LAMA3: variants seen among roughly 807,000 people sequenced by gnomAD.
LAMA3 encodes laminin subunit alpha-3.
LAMA3 carries 281 observed loss-of-function variants against 402.0 expected under a neutral mutation model. The ratio of observed to expected loss-of-function variants is 0.70; its 90% CI spans 0.63 to 0.77. The LOEUF is 0.77. Among genes scored for constraint, LAMA3 ranks in the 30% least tolerant of loss-of-function variants. The pLI, the probability that LAMA3 is intolerant of heterozygous loss-of-function variation, is 0.00. For synonymous variants in LAMA3, 1,431 were observed against 1,558.4 expected, an observed-to-expected ratio of 0.92 and a Z score of 1.93; for missense variants, 3,840 against 4,215.5, an observed-to-expected ratio of 0.91 and a Z score of 2.47.
chr18:23,758,483 C>G lies in LAMA3; in HGVS notation c.1035C>G (p.Ala345=). The G allele has an allele frequency of 6.2e-7, 1 of 1,614,046 alleles. No individual in the cohort carries two copies. Among genetic ancestry groups the G allele is most frequent in the Non-Finnish European group, 8.5e-7 (1 of 1,180,002 alleles). ...TGYNQRRWRP[A]AWEQSHECEA... ...ACAATCAGAGGCGCTGGCGGCCCGC[C>G]GCTTGGGAGCAGAGCCACGAGTGTG... is the stretch of plus-strand genomic sequence containing the variant. Residue 345 remains alanine, a synonymous_variant, in exon 7 of 75, where the codon GCC becomes GCG. Coordinates refer to ENST00000313654, the MANE Select transcript of LAMA3 (RefSeq NM_198129.4).
chr18:23,915,505 C>A, intron 59 of LAMA3, 83 bp downstream of exon 59: 1 of 1,316,758 alleles, frequency 7.6e-7, no homozygotes, highest in Non-Finnish European at 1.1e-6. Flanking sequence ...AAGGATGGGC[C>A]AGTGAGATGC....
chr18:23,901,137 G>C lies in LAMA3; in HGVS notation c.6015G>C (p.Arg2005=). ...DKRESQLLLN[R]IRTWQKTHQG... ...GGTGATGTATTACAGTGCTGAACCG[G>C]ATAAGGACCTGGCAGAAAACCCACC... The change falls in exon 48 of 75, where the codon CGG becomes CGC. Residue 2005 remains arginine, a synonymous_variant. Transcript: ENST00000313654. The C allele has an allele frequency of 6.2e-7, 1 of 1,614,074 alleles. No individual in the cohort carries two copies. Among genetic ancestry groups the C allele is most frequent in the Non-Finnish European group, 8.5e-7 (1 of 1,179,942 alleles).
At chr18:23,904,736 G>C (rs756454921) in intron 51 of LAMA3, 42 bp downstream of exon 51, 1 of 1,604,750 alleles carries the variant, frequency 6.2e-7, no homozygotes, top group Admixed American at 1.7e-5. Flanking sequence ...TCGCTGTGGA[G>C]ATGGCTGATT....
rs1439558534 is a variant in LAMA3, at chr18:23,839,058, A to G, written c.3191+180A>G. Among the ~76,000 whole-genome samples the G allele has an allele frequency of 6.6e-6, 1 of 152,208 alleles. No homozygotes were observed. Among genetic ancestry groups the G allele is most frequent in the African/African-American group, 2.4e-5 (1 of 41,452 alleles). On this transcript the variant is annotated intron_variant, in intron 26 of 74. Transcript: ENST00000313654. This position sits in a 1 kb window ranked among gnomAD's most constrained non-coding sequence, Gnocchi z 4.5. ...AATTTACCCCAGCAGTTTTTCCAGA[A>G]TTCCGTAATATCAGGAAGCTGACCC...
At chr18:23,908,070 G>A in intron 54 of LAMA3, 135 bp downstream of exon 54, 1 of 838,196 alleles carries the variant, frequency 1.2e-6, no homozygotes. Flanking sequence ...CCTGATACAG[G>A]ATATATTCAA....
chr18:23,909,747 A>G (rs560546271), intron 55 of LAMA3, among the ~76,000 whole-genome samples: 29 of 152,334 alleles, frequency 1.9e-4, no homozygotes, highest in Admixed American at 1.3e-4. Context: ...CTGATTCACC[A>G]GCCTTTCTTG....
chr18:23,903,862 A>C, intron 49 of LAMA3, 71 bp from the exon 50 acceptor site: 5 of 1,224,446 alleles, frequency 4.1e-6, no homozygotes, highest in Non-Finnish European at 6.0e-6. Context: ...CAGTTATGAT[A>C]GAGTTTGAGA....
intron 32 of LAMA3, among the ~76,000 whole-genome samples, chr18:23,849,866 G>A (rs1598917503): frequency 6.6e-6 from 1 of 152,126 alleles, no homozygotes; most frequent in South Asian, 2.1e-4. Flanking sequence ...ATGGGATAAC[G>A]CATCTTCCCA....
At chr18:23,828,644 A>G (rs1031969681) in intron 23 of LAMA3, among the ~76,000 whole-genome samples, 1 of 152,176 alleles carries the variant, frequency 6.6e-6, no homozygotes. Context: ...AGAAGGGGCA[A>G]CCACCAGGAA....
intron 2 of LAMA3, among the ~76,000 whole-genome samples, chr18:23,743,913 C>T (rs1310748393): frequency 3.3e-5 from 5 of 152,184 alleles, no homozygotes; most frequent in African/African-American, 1.2e-4. Context: ...TCTAGTCTCA[C>T]AGAGGGTCCT....
rs147221754 is a variant in LAMA3 at position 23,740,033 on chromosome 18, A to C, written c.448-7910A>C. 7.9e-5 allele frequency among the ~76,000 whole-genome samples: 12 copies of C among 152,360 alleles called. No individual in the cohort carries two copies. The East Asian group carries it at 2.3e-3, about 29-fold the overall frequency. On this transcript the variant is annotated intron_variant, in intron 2 of 74. Transcript: ENST00000313654. Reference sequence around the variant, plus strand: ...TTCAGCAAAAAAGTGTGAATGAGAAAAAGTGAGTTTTACAGGGAGAACCAG... The same window carrying C: ...TTCAGCAAAAAAGTGTGAATGAGAACAAGTGAGTTTTACAGGGAGAACCAG...
chr18:23,861,842 T>C lies in LAMA3; in HGVS notation c.4584+35T>C, dbSNP rs192867496. 3,256 of 1,588,246 alleles carry C rather than the reference T, an allele frequency of 2.1e-3. 108 individuals carry two copies. The Admixed American group carries it at 0.052, about 25-fold the overall frequency. On this transcript the variant is annotated intron_variant, in intron 35 of 74. Coordinates refer to ENST00000313654, the MANE Select transcript of LAMA3 (RefSeq NM_198129.4). Reference sequence around the variant, plus strand: ...TCCTGCTGTTCTTCTGGGCCCTCAGTGGGCCTCTGCTATTGCTGCATGAGC... The same window carrying C: ...TCCTGCTGTTCTTCTGGGCCCTCAGCGGGCCTCTGCTATTGCTGCATGAGC...
intron 42 of LAMA3, among the ~76,000 whole-genome samples, chr18:23,893,487 G>A (rs2080764846): frequency 6.6e-6 from 1 of 152,192 alleles, no homozygotes; most frequent in Admixed American, 6.5e-5. Context: ...GGAGGCTGAG[G>A]CAGGAGAATC....
At chr18:23,916,140 G>A (rs1280791863) in intron 59 of LAMA3, among the ~76,000 whole-genome samples, 1 of 151,604 alleles carries the variant, frequency 6.6e-6, no homozygotes, top group African/African-American at 2.4e-5. Flanking sequence ...GAAAATTGCT[G>A]CCTTGAACTC....
At position 23,747,991 on chromosome 18, in the gene LAMA3, C is replaced by G; in HGVS notation, c.496C>G (p.Pro166Ala). Reference protein sequence around the residue: ...ILIKFANSPRPDLWVLERSVD... With the variant: ...ILIKFANSPRADLWVLERSVD... ...AATCAAATTTGCAAATTCTCCTCGCCCTGATCTTTGGGTCTTGGAAAGATC... is the reference window on the plus strand; with the variant it reads ...AATCAAATTTGCAAATTCTCCTCGCGCTGATCTTTGGGTCTTGGAAAGATC... The change falls in exon 3 of 75, where the codon CCT becomes GCT. Residue 166 changes from proline (P) to alanine (A), a missense_variant. This residue lies in a region of LAMA3 where 2,109 missense variants were observed against 2,376.0 expected (regional missense o/e 0.89). Transcript: ENST00000313654. 6.2e-7 allele frequency: 1 copy of G among 1,613,698 alleles called. No homozygotes were observed. Among genetic ancestry groups the G allele is most frequent in the Non-Finnish European group, 8.5e-7 (1 of 1,179,596 alleles).
rs897755452 is a variant in LAMA3 at position 23,777,420 on chromosome 18, G to A, written c.1406-137G>A. On this transcript the variant is annotated intron_variant, in intron 10 of 74. Coordinates refer to ENST00000313654, the MANE Select transcript of LAMA3 (RefSeq NM_198129.4). ...AACACATTTGAGATATAGCAATATC[G>A]CCTTTCTTTAAATTAGTCTCTATAT... The A allele has an allele frequency of 2.4e-5, 16 of 671,700 alleles. 1 individual carries two copies. The highest frequency in any genetic ancestry group is 1.2e-4 in the South Asian group (7 of 57,258). 41.6% of individuals were successfully genotyped at this position (671,700 alleles called of 1,614,324 possible).
intron 67 of LAMA3, among the ~76,000 whole-genome samples, chr18:23,934,668 A>G (rs1307828191): frequency 6.6e-6 from 1 of 152,246 alleles, no homozygotes; most frequent in Non-Finnish European, 1.5e-5. Flanking sequence ...CAGGCACTGC[A>G]CTATGCACTC....
chr18:23,860,264 T>TC (rs904353399), intron 34 of LAMA3, among the ~76,000 whole-genome samples: 16 of 137,924 alleles, frequency 1.2e-4, no homozygotes, highest in Non-Finnish European at 1.2e-4. Context: ...TTCTTTTCTT[T>TC]TTTTTTTTTT....
At chr18:23,786,200 C>T (rs1445772368) in intron 12 of LAMA3, among the ~76,000 whole-genome samples, 1 of 152,098 alleles carries the variant, frequency 6.6e-6, no homozygotes, top group African/African-American at 2.4e-5. Context: ...CAGCCATGAC[C>T]CCCTTCATTA....
Sources: allele counts gnomAD v4.1 joint callset (sites outside exome capture counted in the v4.1 genomes callset), GRCh38; gene constraint gnomAD v4.1.1; regional missense constraint gnomAD v4.1.1; non-coding constraint Gnocchi (gnomAD v3.1); transcripts MANE v1.5; gene names NCBI Gene and HGNC (gene_info 2026-07-23, HGNC 2026-07-21).